RALYL: variants seen among roughly 807,000 people sequenced by gnomAD.
The protein encoded by RALYL is RNA-binding Raly-like protein.
A neutral mutation model predicts 35.1 loss-of-function variants in RALYL; 29 were observed. The observed-to-expected ratio is 0.83, with a 90% CI of 0.61 to 1.13. The LOEUF (loss-of-function observed/expected upper bound fraction) is 1.13. Among genes scored for constraint, RALYL ranks in the 50% most tolerant of loss-of-function variants. RALYL has a pLI of 0.00. For missense variants in RALYL, 359 were observed against 360.4 expected (o/e 1.00, Z 0.03); for synonymous variants, 120 against 127.6 (o/e 0.94, Z 0.40).
chr8:84,590,053 C>G (rs1812891780), intron 2 of RALYL, among the ~76,000 whole-genome samples: 1 of 152,112 alleles, frequency 6.6e-6, no homozygotes, highest in South Asian at 2.1e-4. Context: ...TTCCTTTGTT[C>G]TGTACATTTT....
chr8:84,765,375 C>T (rs1319610273), intron 2 of RALYL, among the ~76,000 whole-genome samples: 1 of 152,174 alleles, frequency 6.6e-6, no homozygotes, highest in East Asian at 1.9e-4. Context: ...AACTCTCAGA[C>T]AGTCCTGTCT....
At position 84,812,621 on chromosome 8, in the gene RALYL, C is replaced by T. The variant is rs186191753; in HGVS notation, c.365+7819C>T. On this transcript the variant is annotated intron_variant, in intron 4 of 8. Coordinates refer to ENST00000521268, the MANE Select transcript of RALYL (RefSeq NM_173848.7). Reference sequence around the variant, plus strand: ...GTCTTGCTGTGGCTGCTGTGGGGGACGGAGATGAGGTTCCCAGGTCAAGAA... The same window carrying T: ...GTCTTGCTGTGGCTGCTGTGGGGGATGGAGATGAGGTTCCCAGGTCAAGAA... 1.0e-3 allele frequency among the ~76,000 whole-genome samples: 156 copies of T among 152,132 alleles called. 1 individual carries two copies. The highest frequency in any genetic ancestry group is 3.4e-3 in the Middle Eastern group (1 of 294).
chr8:84,750,362 G>C (rs961527230), intron 2 of RALYL, among the ~76,000 whole-genome samples: 2 of 152,116 alleles, frequency 1.3e-5, no homozygotes, highest in Non-Finnish European at 2.9e-5. Flanking sequence ...ACCTATCTAA[G>C]AATGATGTGG....
chr8:84,484,359 A>G (rs1357610692), intron 1 of RALYL, among the ~76,000 whole-genome samples: 1 of 152,148 alleles, frequency 6.6e-6, no homozygotes, highest in Admixed American at 6.6e-5. Flanking sequence ...CTAGTAAATT[A>G]CCACTGTGGT....
In RALYL at chr8:84,399,654, T is replaced by C. The variant is rs1224621332; in HGVS notation, c.-23-129645T>C. Among the ~76,000 whole-genome samples, 4 of 152,316 alleles carry C rather than the reference T, an allele frequency of 2.6e-5. No homozygotes were observed. In the East Asian group the frequency reaches 7.7e-4, roughly 29 times the overall value. On this transcript the variant is annotated intron_variant, in intron 1 of 8. Transcript: ENST00000521268. ...TATTCCTTTATTTATTTCAATCTTA[T>C]TCAGATTTTATCAGGCAATGGAAAC...
chr8:84,754,342 A>G (rs1174041856), intron 2 of RALYL, among the ~76,000 whole-genome samples: 1 of 152,136 alleles, frequency 6.6e-6, no homozygotes, highest in Non-Finnish European at 1.5e-5. Context: ...TTTCCTTCAT[A>G]GATAACTCAT....
intron 2 of RALYL, among the ~76,000 whole-genome samples, chr8:84,657,146 C>G (rs1830101558): frequency 6.6e-6 from 1 of 152,162 alleles, no homozygotes; most frequent in Non-Finnish European, 1.5e-5. Flanking sequence ...AGTAACAAAT[C>G]CAGAAATTGC....
At chr8:84,685,668 T>TA (rs1169511686) in intron 2 of RALYL, among the ~76,000 whole-genome samples, 1 of 152,122 alleles carries the variant, frequency 6.6e-6, no homozygotes, top group Non-Finnish European at 1.5e-5. Context: ...TTACACAATT[T>TA]AAAAAACACA....
At chr8:84,254,746 G>GAAAAAAAAAA (rs10675428) in intron 1 of RALYL, among the ~76,000 whole-genome samples, 12 of 126,500 alleles carry the variant, frequency 9.5e-5, no homozygotes, top group African/African-American at 3.1e-4. Context: ...GGTAATTTAT[G>GAAAAAAAAAA]AAAAAAAAAA....
intron 2 of RALYL, among the ~76,000 whole-genome samples, chr8:84,591,918 G>T (rs763313061): frequency 9.9e-5 from 15 of 152,102 alleles, no homozygotes; most frequent in Non-Finnish European, 1.6e-4. Context: ...GATATTTGTG[G>T]CTTTTATTTC....
intron 4 of RALYL, among the ~76,000 whole-genome samples, chr8:84,835,544 A>C (rs1188380948): frequency 4.0e-5 from 6 of 149,254 alleles, no homozygotes; most frequent in Admixed American, 4.0e-4. Flanking sequence ...TTAGCTGGGC[A>C]TGGTGGTGCA....
At chr8:84,497,187 T>C (rs1201392466) in intron 1 of RALYL, among the ~76,000 whole-genome samples, 1 of 152,094 alleles carries the variant, frequency 6.6e-6, no homozygotes, top group Admixed American at 6.6e-5. Context: ...TACAGAATCA[T>C]ACAGAAACAT....
At chr8:84,654,544 T>G (rs1263503158) in intron 2 of RALYL, among the ~76,000 whole-genome samples, 1 of 151,834 alleles carries the variant, frequency 6.6e-6, no homozygotes, top group Non-Finnish European at 1.5e-5. Context: ...TTCTAACTAT[T>G]TTCTGTACCC....
At chr8:84,279,365 G>A (rs1473201694) in intron 1 of RALYL, among the ~76,000 whole-genome samples, 1 of 152,138 alleles carries the variant, frequency 6.6e-6, no homozygotes, top group African/African-American at 2.4e-5. Flanking sequence ...CAGCCAACAA[G>A]ATAGGTAAGT....
At chr8:84,665,396 A>G (rs549498622) in intron 2 of RALYL, among the ~76,000 whole-genome samples, 1 of 152,148 alleles carries the variant, frequency 6.6e-6, no homozygotes, top group South Asian at 2.1e-4. Flanking sequence ...TAGGAATTGT[A>G]CCAGCTCTTC....
chr8:84,448,024 C>A (rs546675984), intron 1 of RALYL, among the ~76,000 whole-genome samples: 3 of 151,962 alleles, frequency 2.0e-5, no homozygotes, highest in Non-Finnish European at 2.9e-5. Flanking sequence ...GCCTGGTAAT[C>A]TTTGAGAGAA....
intron 2 of RALYL, among the ~76,000 whole-genome samples, chr8:84,730,474 C>T (rs1435017198): frequency 6.6e-6 from 1 of 151,186 alleles, no homozygotes; most frequent in East Asian, 1.9e-4. Flanking sequence ...AAAACTGGCA[C>T]AAGACAGGGA....
At chr8:84,883,782 TC>T (rs775536208) in intron 7 of RALYL, among the ~76,000 whole-genome samples, 26 of 152,102 alleles carry the variant, frequency 1.7e-4, no homozygotes, top group Non-Finnish European at 3.4e-4. Flanking sequence ...TTCTTAATGA[TC>T]AGTAGGGGCG....
chr8:84,247,329 T>C (rs1829306786), intron 1 of RALYL, among the ~76,000 whole-genome samples: 1 of 152,150 alleles, frequency 6.6e-6, no homozygotes, highest in Non-Finnish European at 1.5e-5. Flanking sequence ...TCTTCTGTGA[T>C]GTCTTAAACC....
Sources: gnomAD v4.1 joint callset for allele counts (sites outside exome capture counted in the v4.1 genomes callset) on GRCh38, gnomAD v4.1.1 for gene constraint, MANE v1.5 for transcripts, NCBI Gene and HGNC (gene_info 2026-07-23, HGNC 2026-07-21) for gene names.